The following JADE3 variants were observed in gnomAD, a reference collection of about 807,000 sequenced individuals.
The protein encoded by JADE3 is jade family PHD finger 3.
JADE3 carries 2 observed loss-of-function variants against 50.1 expected under a neutral mutation model. The observed-to-expected ratio is 0.04, with a 90% CI of 0.02 to 0.13. The LOEUF (loss-of-function observed/expected upper bound fraction) is 0.13. Ranked by LOEUF, JADE3 falls within the 10% of genes least tolerant of loss-of-function variation. The probability of loss-of-function intolerance (pLI) is 1.00; values close to 1 mark genes in which losing one functional copy is unlikely to be tolerated. For synonymous variants in JADE3, 218 were observed against 232.9 expected (o/e 0.94, Z 0.58); for missense variants, 475 against 634.4 (o/e 0.75, Z 2.70).
intron 1 of JADE3, among the ~76,000 whole-genome samples, chrX:46,962,848 T>A (rs1253018726): frequency 1.8e-5 from 2 of 108,845 alleles, no homozygotes; most frequent in Non-Finnish European, 3.8e-5. Flanking sequence ...ATTTTTTTTT[T>A]TTTTTTTGGA....
chrX:46,926,557 A>C (rs781919171), intron 1 of JADE3, among the ~76,000 whole-genome samples: 1 of 112,026 alleles, frequency 8.9e-6, no homozygotes, highest in African/African-American at 3.2e-5. Flanking sequence ...CGTTCTGTGG[A>C]TTTTTAACAC....
rs1300493537 is a variant in JADE3 at position 47,060,548 on chromosome X, G to C, written c.*1471G>C. The C allele has an allele frequency of 1.8e-5, 2 of 111,892 alleles. No homozygotes were observed. The highest frequency in any genetic ancestry group is 3.8e-5 in the Non-Finnish European group (2 of 53,155). The allele number at this position is 111,892 out of a possible 1,213,427, so 9.2% of individuals were successfully genotyped here. A position where few individuals can be genotyped will look rare whatever the true frequency, so the allele number is the denominator to read the frequency against. On this transcript the variant is annotated 3_prime_UTR_variant, in exon 11 of 11. Coordinates refer to ENST00000614628, the MANE Select transcript of JADE3 (RefSeq NM_014735.5). ...TTTCCTCTCCCCCAGTTGTGTTCTT[G>C]TAACGTTGTTAATGGGTTCCTTTGC... is the stretch of plus-strand genomic sequence containing the variant.
chrX:47,054,133 C>G, intron 8 of JADE3, 25 bp from the exon 9 acceptor site: 2 of 1,081,095 alleles, frequency 1.8e-6, no homozygotes, highest in Non-Finnish European at 2.5e-6. Context: ...ACTCTGCTAC[C>G]TTGACACCTA....
At chrX:47,033,858 G>T in intron 7 of JADE3, 70 bp downstream of exon 7, 1 of 914,315 alleles carries the variant, frequency 1.1e-6, no homozygotes, top group Non-Finnish European at 1.5e-6. Flanking sequence ...CATTCAGACT[G>T]ACTCAGGCTC....
At chrX:46,982,954 G>A (rs1323049344) in intron 1 of JADE3, among the ~76,000 whole-genome samples, 5 of 111,389 alleles carry the variant, frequency 4.5e-5, no homozygotes, top group East Asian at 5.7e-4. Context: ...TCAGCCTCCC[G>A]AGTAGCTGAG....
chrX:46,962,147 G>A (rs1427039235), intron 1 of JADE3, among the ~76,000 whole-genome samples: 1 of 111,242 alleles, frequency 9.0e-6, no homozygotes, highest in African/African-American at 3.3e-5. Flanking sequence ...CCAGGAAGAT[G>A]GAGGAAAACT....
chrX:46,954,832 G>A (rs1234911861), intron 1 of JADE3, among the ~76,000 whole-genome samples: 2 of 112,342 alleles, frequency 1.8e-5, no homozygotes, highest in Non-Finnish European at 3.8e-5. Flanking sequence ...TAGGATTATA[G>A]GTGTGAGCCA....
chrX:47,001,559 A>G (rs1293322635), intron 4 of JADE3, among the ~76,000 whole-genome samples: 1 of 111,618 alleles, frequency 9.0e-6, no homozygotes, highest in Non-Finnish European at 1.9e-5. Context: ...TGGAGTACCT[A>G]ATTTCCTCAA....
At chrX:47,029,184 A>C (rs1928966168) in intron 6 of JADE3, among the ~76,000 whole-genome samples, 1 of 111,648 alleles carries the variant, frequency 9.0e-6, no homozygotes, top group Non-Finnish European at 1.9e-5. Flanking sequence ...GTTTTTATAG[A>C]TATAAGTCCA....
At chrX:47,033,957 G>C (rs1371954042) in intron 7 of JADE3, among the ~76,000 whole-genome samples, 169 bp downstream of exon 7, 1 of 111,408 alleles carries the variant, frequency 9.0e-6, no homozygotes, top group Non-Finnish European at 1.9e-5. Flanking sequence ...ATGCACACTT[G>C]CATGTAAGCC....
In JADE3 at chrX:47,061,203, T is replaced by G. The variant is rs1556375279; in HGVS notation, c.*2126T>G. The G allele has an allele frequency of 8.9e-6, 1 of 112,027 alleles. No individual in the cohort carries two copies. The highest frequency in any genetic ancestry group is 3.2e-5 in the African/African-American group (1 of 30,812). 9.2% of individuals were successfully genotyped at this position (112,027 alleles called of 1,213,427 possible). A position where few individuals can be genotyped will look rare whatever the true frequency, so the allele number is the denominator to read the frequency against. On this transcript the variant is annotated 3_prime_UTR_variant, in exon 11 of 11. Coordinates refer to ENST00000614628, the MANE Select transcript of JADE3 (RefSeq NM_014735.5). ...GCTCAGTCCTTTTTCAAATGTCCCC[T>G]TTTTACCAATACTTTTTCATTAAAT... is the stretch of plus-strand genomic sequence containing the variant.
intron 1 of JADE3, among the ~76,000 whole-genome samples, chrX:46,940,893 A>G (rs1399852406): frequency 8.9e-6 from 1 of 112,274 alleles, no homozygotes; most frequent in African/African-American, 3.2e-5. Context: ...GTCACCTAAG[A>G]AACAACCTAG....
At position 46,998,295 on chromosome X, in the gene JADE3, C is replaced by T. The variant is rs782784201; in HGVS notation, c.284+18C>T. On this transcript the variant is annotated intron_variant, in intron 4 of 10. Coordinates refer to ENST00000614628, the MANE Select transcript of JADE3 (RefSeq NM_014735.5). ...TCTCTCAGGTATTTGCATGCTTGCA[C>T]CTTTGACTTAGGGAATGAATGCTCT... is the stretch of plus-strand genomic sequence containing the variant. 1.7e-6 allele frequency: 2 copies of T among 1,192,540 alleles called. No homozygotes were observed. Among genetic ancestry groups the T allele is most frequent in the Non-Finnish European group, 2.3e-6 (2 of 882,549 alleles).
intron 1 of JADE3, among the ~76,000 whole-genome samples, chrX:46,917,123 G>A (rs150198179): frequency 0.025 from 2,773 of 109,211 alleles, 105 homozygotes; most frequent in African/African-American, 0.089. Flanking sequence ...GAGGGTGGTA[G>A]TGAGAATTGA....
intron 4 of JADE3, among the ~76,000 whole-genome samples, chrX:47,021,635 A>G (rs1928796002): frequency 8.9e-6 from 1 of 112,005 alleles, no homozygotes; most frequent in Non-Finnish European, 1.9e-5. Context: ...TTTAAGTTTA[A>G]TTATTCTGGT....
At chrX:47,043,505 A>T (rs1556370096) in intron 8 of JADE3, among the ~76,000 whole-genome samples, 1 of 112,558 alleles carries the variant, frequency 8.9e-6, no homozygotes, top group African/African-American at 3.2e-5. Flanking sequence ...CCATCAGGTA[A>T]ATTTAACAAA....
At chrX:46,945,011 A>AT (rs60937622) in intron 1 of JADE3, among the ~76,000 whole-genome samples, 7,983 of 97,070 alleles carry the variant, frequency 0.082, 635 homozygotes, top group African/African-American at 0.23. Flanking sequence ...ACCTGGCTGA[A>AT]TTTTTTTTTT....
intron 1 of JADE3, among the ~76,000 whole-genome samples, chrX:46,961,299 G>C (rs1166667078): frequency 2.7e-5 from 3 of 111,451 alleles, no homozygotes; most frequent in Non-Finnish European, 5.6e-5. Context: ...GCAAAAACAA[G>C]CATCATTTAT....
At chrX:47,034,464 T>C (rs1220175165) in intron 7 of JADE3, among the ~76,000 whole-genome samples, 2 of 112,082 alleles carry the variant, frequency 1.8e-5, no homozygotes, top group Non-Finnish European at 3.8e-5. Context: ...TAATATTCCA[T>C]TGTATGGATA....
Sources: gnomAD v4.1 joint callset for allele counts (sites outside exome capture counted in the v4.1 genomes callset) on GRCh38, gnomAD v4.1.1 for gene constraint, MANE v1.5 for transcripts, NCBI Gene and HGNC (gene_info 2026-07-23, HGNC 2026-07-21) for gene names.